HDAC4: variants seen among roughly 807,000 people sequenced by gnomAD.
HDAC4 encodes histone deacetylase 4.
A neutral mutation model predicts 135.1 loss-of-function variants in HDAC4; 16 were observed. The observed-to-expected ratio is 0.12, with a 90% confidence interval of 0.08 to 0.18. The LOEUF is 0.18. Ranked by LOEUF, HDAC4 falls within the 10% of genes least tolerant of loss-of-function variation. The pLI, the probability that HDAC4 is intolerant of heterozygous loss-of-function variation, is 1.00. For missense variants in HDAC4, 1,143 were observed against 1,511.8 expected (o/e 0.76, Z 4.05); for synonymous variants, 685 against 653.4 (o/e 1.05, Z -0.74).
intron 22 of HDAC4, among the ~76,000 whole-genome samples, chr2:239,080,166 G>A (rs544640523): frequency 1.3e-5 from 2 of 148,390 alleles, no homozygotes; most frequent in South Asian, 2.1e-4. Context: ...ATATGCAGAC[G>A]TGCACTCACA....
chr2:239,205,746 GGAA>G (rs2046007815), intron 3 of HDAC4, among the ~76,000 whole-genome samples: 1 of 151,978 alleles, frequency 6.6e-6, no homozygotes, highest in African/African-American at 2.4e-5. Context: ...GAAGGAAGAA[GGAA>G]GAAGTTTACC....
intron 2 of HDAC4, among the ~76,000 whole-genome samples, chr2:239,255,295 C>CTATG (rs2048989951): frequency 6.7e-6 from 1 of 149,594 alleles, no homozygotes; most frequent in African/African-American, 2.5e-5. Flanking sequence ...TGTTTTCTCA[C>CTATG]TGTGTGTGTG....
chr2:239,270,474 A>G (rs2049998830), intron 2 of HDAC4, among the ~76,000 whole-genome samples: 1 of 152,174 alleles, frequency 6.6e-6, no homozygotes, highest in East Asian at 1.9e-4. Context: ...TTAAAATGAG[A>G]TAGAATGAGG....
At chr2:239,208,497 C>T (rs907113719) in intron 3 of HDAC4, among the ~76,000 whole-genome samples, 5 of 152,032 alleles carry the variant, frequency 3.3e-5, no homozygotes, top group Admixed American at 1.3e-4. Flanking sequence ...AATAAAAGAG[C>T]GCTTCTTTAA....
At chr2:239,243,394 C>T (rs1021733349) in intron 2 of HDAC4, among the ~76,000 whole-genome samples, 10 of 152,248 alleles carry the variant, frequency 6.6e-5, no homozygotes, top group African/African-American at 2.4e-4. Context: ...CCTTGTGATC[C>T]GCCTGCCTCG....
rs1052527302 is a variant in HDAC4, at chr2:239,331,384, T to C, written c.22+21294A>G. 6.6e-6 allele frequency among the ~76,000 whole-genome samples: 1 copy of C among 152,104 alleles called. No homozygotes were observed. The highest frequency in any genetic ancestry group is 2.4e-5 in the African/African-American group (1 of 41,406). ...GGGAGATTTTAGAGCATTTATAAGG[T>C]GCGACATAAATCACCTCATAAAATA... On this transcript the variant is annotated intron_variant, in intron 2 of 26. Transcript: ENST00000543185. This position sits in a 1 kb window ranked among gnomAD's most constrained non-coding sequence, Gnocchi z 4.5.
chr2:239,162,405 C>T (rs558630676), intron 6 of HDAC4: 5 of 452,794 alleles, frequency 1.1e-5, no homozygotes, highest in Admixed American at 2.4e-5. Flanking sequence ...GAACCACGAT[C>T]CACACTCCTG....
In HDAC4 at chr2:239,383,933, G is replaced by C. The variant is rs910799769; in HGVS notation, c.-220+17045C>G. Among the ~76,000 whole-genome samples the C allele has an allele frequency of 2.6e-5, 4 of 152,370 alleles. No homozygotes were observed. The South Asian group carries it at 6.2e-4, about 24-fold the overall frequency. ...ACAAGGACAGACGTGAGAGCCACTGGAGGGCAGGGCGGCTGGAAGAGCTGC... is the reference window on the plus strand; with the variant it reads ...ACAAGGACAGACGTGAGAGCCACTGCAGGGCAGGGCGGCTGGAAGAGCTGC... On this transcript the variant is annotated intron_variant, in intron 1 of 26. Transcript: ENST00000543185.
At chr2:239,062,465 G>A (rs1041164698) in intron 24 of HDAC4, among the ~76,000 whole-genome samples, 8 of 152,276 alleles carry the variant, frequency 5.3e-5, no homozygotes, top group Non-Finnish European at 8.8e-5. Flanking sequence ...CTTTTAAAGA[G>A]ACCTTGATAA....
At chr2:239,066,917 G>A in intron 23 of HDAC4, 62 bp from the exon 24 acceptor site, 1 of 1,576,778 alleles carries the variant, frequency 6.3e-7, no homozygotes, top group Non-Finnish European at 8.6e-7. Context: ...GCACAGCCCA[G>A]AAACGCGTCT....
chr2:239,078,259 G>GGAGAAA (rs1426651291), intron 22 of HDAC4, among the ~76,000 whole-genome samples: 2 of 152,220 alleles, frequency 1.3e-5, no homozygotes, highest in African/African-American at 4.8e-5. Flanking sequence ...CCGGGCCTGA[G>GGAGAAA]GAGAAAGTGC....
intron 2 of HDAC4, among the ~76,000 whole-genome samples, chr2:239,242,072 G>A (rs1239189502): frequency 7.4e-6 from 1 of 136,028 alleles, no homozygotes; most frequent in Admixed American, 7.3e-5. Context: ...GAAAAAGAAA[G>A]AAAGAGAAGG....
chr2:239,276,782 AG>A (rs1185764796), intron 2 of HDAC4, among the ~76,000 whole-genome samples: 1 of 152,228 alleles, frequency 6.6e-6, no homozygotes, highest in African/African-American at 2.4e-5. Flanking sequence ...GAGCCAGGCG[AG>A]GCAAGACGGC....
intron 2 of HDAC4, among the ~76,000 whole-genome samples, chr2:239,246,074 A>T (rs2048441889): frequency 6.6e-6 from 1 of 152,152 alleles, no homozygotes; most frequent in Non-Finnish European, 1.5e-5. Context: ...AGGAGACTGC[A>T]GGGGGGTGTC....
chr2:239,395,580 C>G (rs1287859950), intron 1 of HDAC4, among the ~76,000 whole-genome samples: 1 of 152,170 alleles, frequency 6.6e-6, no homozygotes, highest in Non-Finnish European at 1.5e-5. Context: ...CCAAAAGAAT[C>G]TCTACAATAC....
chr2:239,119,247 T>C (rs887587297), intron 12 of HDAC4, among the ~76,000 whole-genome samples: 1 of 152,148 alleles, frequency 6.6e-6, no homozygotes, highest in Non-Finnish European at 1.5e-5. Flanking sequence ...ACAAAGAATC[T>C]GAAAGCAGAA....
intron 9 of HDAC4, among the ~76,000 whole-genome samples, chr2:239,138,954 T>C (rs2041160546): frequency 6.6e-6 from 1 of 152,154 alleles, no homozygotes; most frequent in African/African-American, 2.4e-5. Flanking sequence ...GCCACTCAGC[T>C]CCTGCGTCTC....
At position 239,307,828 on chromosome 2, in the gene HDAC4, C is replaced by G. The variant is rs1425500144; in HGVS notation, c.22+44850G>C. 6.6e-6 allele frequency among the ~76,000 whole-genome samples: 1 copy of G among 152,138 alleles called. No homozygotes were observed. Among genetic ancestry groups the G allele is most frequent in the Non-Finnish European group, 1.5e-5 (1 of 68,028 alleles). ...AGGGTTTCCCAGCCTGAAACGCCAC[C>G]CCACAGCCACTGTGGATTTGGGGAC... is the stretch of plus-strand genomic sequence containing the variant. On this transcript the variant is annotated intron_variant, in intron 2 of 26. Transcript: ENST00000543185. The surrounding 1 kb of genome is among the most constrained non-coding windows in gnomAD (Gnocchi z 4.8).
At chr2:239,383,153 C>T (rs61022280) in intron 1 of HDAC4, among the ~76,000 whole-genome samples, 28,236 of 152,220 alleles carry the variant, frequency 0.19, 2,825 homozygotes, top group African/African-American at 0.23. Context: ...TCACCCCGCT[C>T]ACCCAAAGGC....
Sources: allele counts gnomAD v4.1 joint callset (sites outside exome capture counted in the v4.1 genomes callset), GRCh38; gene constraint gnomAD v4.1.1; non-coding constraint Gnocchi (gnomAD v3.1); transcripts MANE v1.5; gene names NCBI Gene and HGNC (gene_info 2026-07-23, HGNC 2026-07-21).